Variants in DOCK11 observed in about 807,000 individuals in gnomAD.
DOCK11 encodes dedicator of cytokinesis 11, also known as dedicator of cytokinesis protein 11.
In DOCK11, 70 loss-of-function variants were observed where a neutral mutation model predicts 169.1. The ratio of observed to expected loss-of-function variants is 0.41; its 90% CI spans 0.34 to 0.51. DOCK11 has a LOEUF of 0.51. DOCK11 is among the 20% of genes least tolerant of loss of function. The probability of loss-of-function intolerance (pLI) is 0.10; values close to 1 mark genes in which losing one functional copy is unlikely to be tolerated. For synonymous variants in DOCK11, 529 were observed against 541.3 expected, an observed-to-expected ratio of 0.98 and a Z score of 0.32; for missense variants, 1,166 against 1,538.8, an observed-to-expected ratio of 0.76 and a Z score of 4.05.
At chrX:118,559,116 G>T (rs138297880) in intron 6 of DOCK11, among the ~76,000 whole-genome samples, 6 of 112,199 alleles carry the variant, frequency 5.3e-5, no homozygotes, top group Non-Finnish European at 1.1e-4. Context: ...GTGATTTGCT[G>T]TAATTTCATA....
intron 48 of DOCK11, among the ~76,000 whole-genome samples, chrX:118,677,097 T>A (rs1306914928): frequency 8.9e-6 from 1 of 112,313 alleles, no homozygotes; most frequent in Non-Finnish European, 1.9e-5. Flanking sequence ...TCACTAATAA[T>A]AGCAAGCTAG....
At chrX:118,680,108 G>T (rs2016707294) in intron 48 of DOCK11, among the ~76,000 whole-genome samples, 1 of 108,294 alleles carries the variant, frequency 9.2e-6, no homozygotes, top group South Asian at 4.1e-4. Flanking sequence ...TGTGTTTTTA[G>T]TAGAGACAAG....
chrX:118,626,534 C>G (rs1391387898), intron 32 of DOCK11, among the ~76,000 whole-genome samples: 4 of 112,136 alleles, frequency 3.6e-5, no homozygotes, highest in Admixed American at 2.8e-4. Flanking sequence ...ATCACCTTTG[C>G]ACTTTGGCTG....
At chrX:118,642,333 G>A (rs886698406) in intron 39 of DOCK11, among the ~76,000 whole-genome samples, 2 of 111,952 alleles carry the variant, frequency 1.8e-5, no homozygotes, top group African/African-American at 6.5e-5. Flanking sequence ...GAATGAGAAA[G>A]GGGAGTGATC....
intron 23 of DOCK11, among the ~76,000 whole-genome samples, chrX:118,600,848 C>G (rs766364917): frequency 9.0e-6 from 1 of 110,676 alleles, no homozygotes; most frequent in East Asian, 2.8e-4. Context: ...GTTTGGGGAA[C>G]AGCAAGAATC....
intron 1 of DOCK11, among the ~76,000 whole-genome samples, chrX:118,528,523 T>A (rs936276765): frequency 1.8e-5 from 2 of 111,316 alleles, no homozygotes; most frequent in Non-Finnish European, 3.8e-5. Context: ...TAGACATAGT[T>A]TTGTCTGTGT....
rs745975153 is a variant in DOCK11 at position 118,671,113 on chromosome X, G to A, written c.5167G>A (p.Val1723Ile). ...AATTTCTGAGATTTCCAAGTTGATC[G>A]TTCCAATTTATGAGAAACGTCGTGA... The part of the protein sequence containing the change: ...EIISEISKLI[V>I]PIYEKRREFE... Residue 1723 changes from valine (V) to isoleucine (I), a missense_variant, in exon 46 of 53, where the codon GTT (valine) becomes ATT (isoleucine). Val to Ile is a conservative substitution (Grantham distance 29, BLOSUM62 3). Transcript: ENST00000276202. 10 of 1,204,165 alleles carry A rather than the reference G, an allele frequency of 8.3e-6. No homozygotes were observed. The highest frequency in any genetic ancestry group is 7.2e-5 in the South Asian group (4 of 55,811).
chrX:118,505,975 A>G (rs1480760993), intron 1 of DOCK11, among the ~76,000 whole-genome samples: 1 of 112,707 alleles, frequency 8.9e-6, no homozygotes, highest in Admixed American at 9.3e-5. Flanking sequence ...CACTGATGCC[A>G]GGCACGTTAG....
chrX:118,517,553 A>G (rs1849992582), intron 1 of DOCK11, among the ~76,000 whole-genome samples: 1 of 110,764 alleles, frequency 9.0e-6, no homozygotes, highest in South Asian at 3.8e-4. Context: ...CCATACTTTC[A>G]GGATTTCTAG....
At chrX:118,597,279 C>T (rs2014195315) in intron 20 of DOCK11, 152 bp from the exon 21 acceptor site, 1 of 637,772 alleles carries the variant, frequency 1.6e-6, no homozygotes. Flanking sequence ...ACCCATTGTT[C>T]CTTCCCCAGT....
At chrX:118,588,069 A>T in intron 16 of DOCK11, 68 bp from the exon 17 acceptor site, 1 of 898,137 alleles carries the variant, frequency 1.1e-6, no homozygotes, top group Non-Finnish European at 1.5e-6. Flanking sequence ...TATATTTTTT[A>T]TACATGCAGG....
intron 1 of DOCK11, among the ~76,000 whole-genome samples, chrX:118,528,461 C>G (rs963580218): frequency 9.0e-6 from 1 of 111,655 alleles, no homozygotes; most frequent in Non-Finnish European, 1.9e-5. Flanking sequence ...CAGGAACGCA[C>G]TGTCACATTG....
intron 22 of DOCK11, 116 bp downstream of exon 22, chrX:118,598,232 T>C (rs762842528): frequency 1.2e-5 from 6 of 490,194 alleles, no homozygotes; most frequent in African/African-American, 2.4e-5. Flanking sequence ...ATTTTCTCAT[T>C]AGTAATAACA....
intron 6 of DOCK11, among the ~76,000 whole-genome samples, chrX:118,547,668 G>C (rs1298675703): frequency 1.8e-5 from 2 of 112,339 alleles, no homozygotes; most frequent in African/African-American, 3.2e-5. Flanking sequence ...AGTTTTCAGA[G>C]GTAGGATTTG....
In DOCK11 at chrX:118,572,450, G is replaced by A. The variant is rs2013307342; in HGVS notation, c.1163G>A (p.Gly388Glu). 1 of 1,200,930 alleles carries A rather than the reference G, an allele frequency of 8.3e-7. No homozygotes were observed. The highest frequency in any genetic ancestry group is 1.1e-6 in the Non-Finnish European group (1 of 889,840). The change falls in exon 11 of 53, where the codon GGA becomes GAA. Residue 388 changes from glycine (G) to glutamate (E), a missense_variant. By Grantham distance (98) the Gly-to-Glu change is moderately conservative. Coordinates refer to ENST00000276202, the MANE Select transcript of DOCK11 (RefSeq NM_144658.4). ...GGCCAAATTGGAGACAATGCAAAAGGACCACCCACAAATGTATGTATGACT... is the reference window on the plus strand; with the variant it reads ...GGCCAAATTGGAGACAATGCAAAAGAACCACCCACAAATGTATGTATGACT... ...ILGQIGDNAK[G>E]PPTNVEPFFI... is the part of the protein sequence containing the mutation.
chrX:118,575,975 A>C (rs771237271), intron 12 of DOCK11, among the ~76,000 whole-genome samples: 45 of 112,003 alleles, frequency 4.0e-4, no homozygotes, highest in Non-Finnish European at 3.6e-4. Flanking sequence ...TCAGTGTCTC[A>C]TGTAATCATA....
chrX:118,527,777 C>A (rs1983854309), intron 1 of DOCK11, among the ~76,000 whole-genome samples: 1 of 111,914 alleles, frequency 8.9e-6, no homozygotes, highest in Non-Finnish European at 1.9e-5. Flanking sequence ...AGATTATAAC[C>A]TTTCTTGGGC....
chrX:118,615,464 T>C, intron 29 of DOCK11, 136 bp from the exon 30 acceptor site: 1 of 474,659 alleles, frequency 2.1e-6, no homozygotes, highest in East Asian at 3.8e-5. Flanking sequence ...GTTAACTCTT[T>C]CCTGCACAGG....
chrX:118,631,524 T>C (rs1215334038), intron 35 of DOCK11, among the ~76,000 whole-genome samples: 1 of 111,992 alleles, frequency 8.9e-6, no homozygotes, highest in Non-Finnish European at 1.9e-5. Flanking sequence ...GCAATGAAAA[T>C]GTTCTAAAAC....
Sources: gnomAD v4.1 joint callset for allele counts (sites outside exome capture counted in the v4.1 genomes callset) on GRCh38, gnomAD v4.1.1 for gene constraint, MANE v1.5 for transcripts, NCBI Gene and HGNC (gene_info 2026-07-23, HGNC 2026-07-21) for gene names.